SPMIP11: variants seen among roughly 807,000 people sequenced by gnomAD.
SPMIP11 encodes sperm microtubule inner protein 11.
the SPMIP11 span, among the ~76,000 whole-genome samples, chr12:48,750,033 A>G: frequency 6.7e-6 from 1 of 149,526 alleles, no homozygotes; most frequent in Non-Finnish European, 1.5e-5. Context: ...ACACCAACCC[A>G]GGCACTTGCC....
the SPMIP11 span, among the ~76,000 whole-genome samples, chr12:48,729,721 A>AT: frequency 9.9e-4 from 151 of 151,862 alleles, no homozygotes; most frequent in African/African-American, 3.5e-3. Flanking sequence ...AAAAAAAAAA[A>AT]AAAAAAGATT....
chr12:48,751,817 A>G, the SPMIP11 span, among the ~76,000 whole-genome samples: 1 of 152,088 alleles, frequency 6.6e-6, no homozygotes, highest in Non-Finnish European at 1.5e-5. Context: ...CTGTAATCCC[A>G]GCACTTTGGG....
At chr12:48,752,669 CTTTT>C in the SPMIP11 span, among the ~76,000 whole-genome samples, 44 of 119,250 alleles carry the variant, frequency 3.7e-4, no homozygotes, top group African/African-American at 1.3e-3. Flanking sequence ...CCTATTTATT[CTTTT>C]TTTTTTTTTT....
chr12:48,739,575 A>G, the SPMIP11 span, among the ~76,000 whole-genome samples: 5 of 152,178 alleles, frequency 3.3e-5, no homozygotes, highest in African/African-American at 1.2e-4. Flanking sequence ...CAGGACGCAT[A>G]GCCGGGGAAG....
At chr12:48,752,892 G>A in the SPMIP11 span, among the ~76,000 whole-genome samples, 12 of 152,010 alleles carry the variant, frequency 7.9e-5, no homozygotes, top group African/African-American at 2.7e-4. Flanking sequence ...GGCTGGTCTC[G>A]AACTATCGAC....
chr12:48,742,612 A>G, the SPMIP11 span, among the ~76,000 whole-genome samples: 5 of 152,032 alleles, frequency 3.3e-5, no homozygotes, highest in Admixed American at 3.3e-4. Context: ...GGCCAGGCGC[A>G]GTGGCTCACA....
At chr12:48,745,041 C>T in the SPMIP11 span, among the ~76,000 whole-genome samples, 10 of 152,036 alleles carry the variant, frequency 6.6e-5, no homozygotes, top group East Asian at 1.9e-3. Context: ...GAAGCCGAGG[C>T]GGGTGGATCA....
At chr12:48,761,670 C>A in the SPMIP11 span, among the ~76,000 whole-genome samples, 1 of 136,526 alleles carries the variant, frequency 7.3e-6, no homozygotes, top group East Asian at 2.2e-4. Flanking sequence ...ATAAAAAATA[C>A]AAATAAAAAT....
chr12:48,755,780 A>G, the SPMIP11 span, among the ~76,000 whole-genome samples: 1 of 152,100 alleles, frequency 6.6e-6, no homozygotes, highest in African/African-American at 2.4e-5. Flanking sequence ...GGGAACAGAC[A>G]GATTTCCTAA....
At chr12:48,765,972 A>G in the SPMIP11 span, among the ~76,000 whole-genome samples, 1 of 152,178 alleles carries the variant, frequency 6.6e-6, no homozygotes, top group Non-Finnish European at 1.5e-5. Context: ...GGTCACACAC[A>G]AATCTGGGAA....
At chr12:48,770,084 T>C in the SPMIP11 span, among the ~76,000 whole-genome samples, 83 of 148,828 alleles carry the variant, frequency 5.6e-4, no homozygotes, top group Middle Eastern at 7.0e-3. Flanking sequence ...TTTTTTTTTT[T>C]CAGTAGAAAA....
At chr12:48,731,542 C>T in the SPMIP11 span, among the ~76,000 whole-genome samples, 1 of 152,142 alleles carries the variant, frequency 6.6e-6, no homozygotes, top group South Asian at 2.1e-4. Flanking sequence ...TTCTTAGGAG[C>T]TCACCATTCA....
chr12:48,732,540 C>T, the SPMIP11 span, among the ~76,000 whole-genome samples: 10 of 152,038 alleles, frequency 6.6e-5, no homozygotes, highest in African/African-American at 1.9e-4. Flanking sequence ...GAGGCCGAGG[C>T]GGGCAGATCT....
At chr12:48,747,397 G>A in the SPMIP11 span, among the ~76,000 whole-genome samples, 2 of 152,268 alleles carry the variant, frequency 1.3e-5, no homozygotes, top group African/African-American at 4.8e-5. Flanking sequence ...ATCTTCATAA[G>A]AGCAGATTCA....
the SPMIP11 span, among the ~76,000 whole-genome samples, chr12:48,764,388 A>G: frequency 1.3e-5 from 2 of 152,222 alleles, no homozygotes; most frequent in Non-Finnish European, 2.9e-5. Flanking sequence ...TAGATAAATT[A>G]CATCTATTAA....
the SPMIP11 span, among the ~76,000 whole-genome samples, chr12:48,732,242 T>C: frequency 6.6e-6 from 1 of 150,822 alleles, no homozygotes; most frequent in Non-Finnish European, 1.5e-5. Context: ...CCAAAGAAAA[T>C]AGGAATTTTC....
At chr12:48,761,876 C>T in the SPMIP11 span, among the ~76,000 whole-genome samples, 1 of 149,038 alleles carries the variant, frequency 6.7e-6, no homozygotes, top group Non-Finnish European at 1.5e-5. Flanking sequence ...GCATGTGCCA[C>T]TATGCCCAGC....
At chr12:48,747,493 C>T in the SPMIP11 span, among the ~76,000 whole-genome samples, 4 of 152,214 alleles carry the variant, frequency 2.6e-5, no homozygotes, top group African/African-American at 7.2e-5. Flanking sequence ...GCATCCCAGC[C>T]TTGAAATTCA....
chr12:48,738,671 A>G, the SPMIP11 span, among the ~76,000 whole-genome samples: 1 of 152,080 alleles, frequency 6.6e-6, no homozygotes, highest in African/African-American at 2.4e-5. Context: ...AGTAGCTGGG[A>G]CTACAGGCGC....
Sources: gnomAD v4.1 joint callset for allele counts (sites outside exome capture counted in the v4.1 genomes callset) on GRCh38, gnomAD v4.1.1 for gene constraint, MANE v1.5 for transcripts, NCBI Gene and HGNC (gene_info 2026-07-23, HGNC 2026-07-21) for gene names.